ULK1: variants seen among roughly 807,000 people sequenced by gnomAD.
The protein encoded by ULK1 is unc-51 like autophagy activating kinase 1.
A neutral mutation model predicts 117.5 loss-of-function variants in ULK1; 48 were observed. The ratio of observed to expected loss-of-function variants is 0.41; its 90% CI spans 0.32 to 0.52. The LOEUF is 0.52. Ranked by LOEUF, ULK1 falls within the 20% of genes least tolerant of loss-of-function variation. ULK1 has a pLI of 0.29. For synonymous variants in ULK1, 790 were observed against 637.8 expected, an observed-to-expected ratio of 1.24 and a Z score of -3.60; for missense variants, 1,387 against 1,473.4, an observed-to-expected ratio of 0.94 and a Z score of 0.96.
chr12:131,917,097 T>G (rs7959651), intron 21 of ULK1, 35 bp downstream of exon 21: 74 of 442,884 alleles, frequency 1.7e-4, no homozygotes, highest in East Asian at 4.0e-4. Context: ...GGCTGTGGGA[T>G]GGGGGTCGGA....
intron 5 of ULK1, among the ~76,000 whole-genome samples, chr12:131,907,945 C>T (rs1174627870): frequency 1.4e-5 from 2 of 138,492 alleles, no homozygotes; most frequent in Non-Finnish European, 3.1e-5. Context: ...CGGCCGCGCC[C>T]GTCTGTTCCC....
At chr12:131,912,503 C>T (rs922135417) in intron 13 of ULK1, among the ~76,000 whole-genome samples, 2 of 152,214 alleles carry the variant, frequency 1.3e-5, no homozygotes, top group Admixed American at 6.5e-5. Flanking sequence ...GGGCTGCCCA[C>T]GTGTTTGTTG....
At position 131,915,248 on chromosome 12, in the gene ULK1, G is replaced by C; in HGVS notation, c.1522+17G>C. 6.2e-7 allele frequency: 1 copy of C among 1,605,014 alleles called. No homozygotes were observed. Among genetic ancestry groups the C allele is most frequent in the Non-Finnish European group, 8.5e-7 (1 of 1,175,674 alleles). On this transcript the variant is annotated intron_variant, in intron 17 of 27. Transcript: ENST00000321867. ...CTCCTCAAGGTGCGCCTGCAGGCTG[G>C]GGCCTGGGAAGGGGCGTCTGTAGGC...
In ULK1 at chr12:131,915,425, G is replaced by C. The variant is rs1405493012; in HGVS notation, c.1609+4G>C. On this transcript the variant is annotated splice_donor_region_variant and intron_variant, in intron 18 of 27. Transcript: ENST00000321867. ...GGTGGCAGGTCCCCTCGTCCAGGTGGGTGCAGTCCGGAGGGGGGAGGGGGT... is the reference window on the plus strand; with the variant it reads ...GGTGGCAGGTCCCCTCGTCCAGGTGCGTGCAGTCCGGAGGGGGGAGGGGGT... 4.3e-6 allele frequency: 7 copies of C among 1,612,102 alleles called. No homozygotes were observed. The highest frequency in any genetic ancestry group is 3.4e-4 in the Middle Eastern group (2 of 5,940).
chr12:131,917,424 C>A lies in ULK1; in HGVS notation c.2196C>A (p.Gly732=). The change falls in exon 22 of 28, where the codon GGC becomes GGA. Residue 732 remains glycine, a synonymous_variant. Coordinates refer to ENST00000321867, the MANE Select transcript of ULK1 (RefSeq NM_003565.4). The stretch of plus-strand genomic sequence containing the variant: ...TTGCTCTCCCAGCACCCTCAGCTGG[C>A]TTTGGAGGGAGCCTGCACCCAGGAG... The part of the protein sequence containing the change: ...EKPMEIAPSA[G]FGGSLHPGAR... 6.5e-7 allele frequency: 1 copy of A among 1,533,868 alleles called. No individual in the cohort carries two copies. Among genetic ancestry groups the A allele is most frequent in the Non-Finnish European group, 8.8e-7 (1 of 1,141,960 alleles).
intron 5 of ULK1, among the ~76,000 whole-genome samples, 159 bp downstream of exon 5, chr12:131,907,690 G>A (rs914783267): frequency 1.3e-5 from 2 of 152,196 alleles, no homozygotes; most frequent in African/African-American, 4.8e-5. Flanking sequence ...TTGAGGGGAT[G>A]CAGGGAGCTG....
rs1303611075 is a variant in ULK1 at position 131,922,216 on chromosome 12, T to TTTGGGAGGGC, written c.*856_*865dup. 8.3e-6 allele frequency: 3 copies of TTTGGGAGGGC among 361,394 alleles called. No homozygotes were observed. Among genetic ancestry groups the TTTGGGAGGGC allele is most frequent in the South Asian group, 6.2e-5 (3 of 48,450 alleles). 22.4% of individuals were successfully genotyped at this position (361,394 alleles called of 1,614,324 possible). A position where few individuals can be genotyped will look rare whatever the true frequency, so the allele number is the denominator to read the frequency against. ...AACTTGTAGGTGTTTAAGAATTGGT[T>TTTGGGAGGGC]TTGGGAGGGCGAGGACTGGGCCAGG... On this transcript the variant is annotated 3_prime_UTR_variant, in exon 28 of 28. Transcript: ENST00000321867.
In ULK1 at chr12:131,911,943, C is replaced by A; in HGVS notation, c.950C>A (p.Ser317Tyr). Residue 317 changes from serine (S) to tyrosine (Y), a missense_variant and splice_region_variant, in exon 13 of 28, where the codon TCC becomes TAC. By Grantham distance (144) the Ser-to-Tyr change is moderately radical. Transcript: ENST00000321867. ...ACCAGCCCCTCCGTTGACTCTCAGTCCCTGGGCGAGATGCAGCAGCTGCAG... is the reference window on the plus strand; with the variant it reads ...ACCAGCCCCTCCGTTGACTCTCAGTACCTGGGCGAGATGCAGCAGCTGCAG... ...SSTSHLASPP[S>Y]LGEMQQLQKT... 1.2e-6 allele frequency: 2 copies of A among 1,612,862 alleles called. No homozygotes were observed. The highest frequency in any genetic ancestry group is 1.7e-6 in the Non-Finnish European group (2 of 1,179,972).
At chr12:131,897,182 G>C (rs1365289147) in intron 3 of ULK1, 7 of 152,270 alleles carry the variant, frequency 4.6e-5, no homozygotes, top group Admixed American at 2.0e-4. Context: ...GGCTCTGCTG[G>C]AGCTGCAGCT....
Position 131,904,708 on chromosome 12 carries a change from G to C in ULK1, c.247-2184G>C, listed in dbSNP as rs542560878. Among the ~76,000 whole-genome samples the C allele has an allele frequency of 7.8e-4, 119 of 152,228 alleles. 1 individual carries two copies. Among genetic ancestry groups the C allele is most frequent in the Non-Finnish European group, 1.4e-3 (92 of 68,010 alleles). ...TTTGGAGCTCTGATGAGCAGGTCAG[G>C]TCTTAGGGAACCCCTGGCTCTGGGA... is the stretch of plus-strand genomic sequence containing the variant. On this transcript the variant is annotated intron_variant, in intron 3 of 27. Transcript: ENST00000321867.
chr12:131,921,752 A>C lies in ULK1; in HGVS notation c.*391A>C, dbSNP rs989236215. Reference sequence around the variant, plus strand: ...GGGAAGGTCAGCAGGCACTGTGCCCAGGAAGAGCCTGCGGCCTCGGCGTCC... The same window carrying C: ...GGGAAGGTCAGCAGGCACTGTGCCCCGGAAGAGCCTGCGGCCTCGGCGTCC... On this transcript the variant is annotated 3_prime_UTR_variant, in exon 28 of 28. Coordinates refer to ENST00000321867, the MANE Select transcript of ULK1 (RefSeq NM_003565.4). The C allele has an allele frequency of 1.8e-5, 10 of 548,774 alleles. No homozygotes were observed. Among genetic ancestry groups the C allele is most frequent in the African/African-American group, 1.7e-4 (9 of 53,538 alleles). 34.0% of individuals were successfully genotyped at this position (548,774 alleles called of 1,614,324 possible).
At chr12:131,909,877 G>A (rs377418766) in intron 9 of ULK1, 42 bp from the exon 10 acceptor site, 234 of 1,609,646 alleles carry the variant, frequency 1.5e-4, no homozygotes, top group Non-Finnish European at 1.7e-4. Flanking sequence ...CGCGGGCTCC[G>A]GCCCCGCAGG....
chr12:131,913,955 C>A, intron 15 of ULK1, 119 bp downstream of exon 15: 1 of 915,664 alleles, frequency 1.1e-6, no homozygotes, highest in Non-Finnish European at 1.5e-6. Flanking sequence ...CTGCCTTCTT[C>A]TCCCAGGCCT....
chr12:131,908,581 C>T (rs2048757106), intron 5 of ULK1, 63 bp from the exon 6 acceptor site: 3 of 1,419,428 alleles, frequency 2.1e-6, no homozygotes, highest in Non-Finnish European at 2.7e-6. Flanking sequence ...GGCCTGGCTG[C>T]GCGGGACTCA....
intron 23 of ULK1, 65 bp downstream of exon 23, chr12:131,918,746 C>CGGGTGTCTGGGGTATA: frequency 8.8e-6 from 4 of 456,438 alleles, no homozygotes. Flanking sequence ...TGTGGGGTGT[C>CGGGTGTCTGGGGTATA]GGGTGTGTGG....
At chr12:131,905,658 C>G (rs1328170860) in intron 3 of ULK1, among the ~76,000 whole-genome samples, 45 of 152,162 alleles carry the variant, frequency 3.0e-4, no homozygotes, top group Admixed American at 2.9e-3. Context: ...CTCCTCCAGC[C>G]CAGCCTGCCT....
chr12:131,909,141 C>G lies in ULK1; in HGVS notation c.570C>G (p.Pro190=). The stretch of plus-strand genomic sequence containing the variant: ...CCCGACTTCTGGTCCCGCAGGCCCC[C>G]GAGGTCATCATGTCCCAGCACTACG... The part of the protein sequence containing the change: ...TLCGSPMYMA[P]EVIMSQHYDG... The change falls in exon 8 of 28, where the codon CCC becomes CCG. Residue 190 remains proline, a synonymous_variant. Coordinates refer to ENST00000321867, the MANE Select transcript of ULK1 (RefSeq NM_003565.4). The G allele has an allele frequency of 1.2e-6, 2 of 1,607,186 alleles. No individual in the cohort carries two copies. The highest frequency in any genetic ancestry group is 8.5e-7 in the Non-Finnish European group (1 of 1,177,514).
chr12:131,913,908 G>T, intron 15 of ULK1, 72 bp downstream of exon 15: 1 of 1,296,800 alleles, frequency 7.7e-7, no homozygotes, highest in Non-Finnish European at 1.0e-6. Flanking sequence ...CTTCCTGTGT[G>T]TCGCAGCCAG....
intron 5 of ULK1, among the ~76,000 whole-genome samples, 191 bp from the exon 6 acceptor site, chr12:131,908,453 C>A (rs1482268834): frequency 6.6e-6 from 1 of 151,486 alleles, no homozygotes; most frequent in Non-Finnish European, 1.5e-5. Flanking sequence ...GGGCTCTGCG[C>A]AGGAGCTTCA....
Sources: gnomAD v4.1 joint callset for allele counts (sites outside exome capture counted in the v4.1 genomes callset) on GRCh38, gnomAD v4.1.1 for gene constraint, MANE v1.5 for transcripts, NCBI Gene and HGNC (gene_info 2026-07-23, HGNC 2026-07-21) for gene names.